ZDHHC18: variants seen among roughly 807,000 people sequenced by gnomAD.
The protein encoded by ZDHHC18 is palmitoyltransferase ZDHHC18.
In ZDHHC18, 23 loss-of-function variants were observed where a neutral mutation model predicts 37.5. The ratio of observed to expected loss-of-function variants is 0.61; its 90% CI spans 0.44 to 0.87. The LOEUF is 0.87. ZDHHC18 is among the 40% of genes least tolerant of loss of function. The pLI is 0.00. For missense variants in ZDHHC18, 406 were observed against 525.6 expected (o/e 0.77, Z 2.22); for synonymous variants, 185 against 218.7 (o/e 0.85, Z 1.36).
Position 26,832,505 on chromosome 1 carries a change from T to C in ZDHHC18, c.394T>C (p.Phe132Leu), listed in dbSNP as rs758572417. 4 of 1,614,062 alleles carry C rather than the reference T, an allele frequency of 2.5e-6. No homozygotes were observed. Among genetic ancestry groups the C allele is most frequent in the Non-Finnish European group, 3.4e-6 (4 of 1,179,922 alleles). ...LAIPIIAAIL[F>L]FFVMSCLLQT... ...CATCCCCATCATCGCTGCCATCCTCTTCTTCTTCGTCATGAGCTGCCTGCT... is the reference window on the plus strand; with the variant it reads ...CATCCCCATCATCGCTGCCATCCTCCTCTTCTTCGTCATGAGCTGCCTGCT... Residue 132 changes from phenylalanine to leucine, a missense_variant, in exon 2 of 8, where the codon TTC becomes CTC. Coordinates refer to ENST00000374142, the MANE Select transcript of ZDHHC18 (RefSeq NM_032283.3).
At chr1:26,844,523 G>A (rs775861907) in intron 2 of ZDHHC18, among the ~76,000 whole-genome samples, 1 of 152,188 alleles carries the variant, frequency 6.6e-6, no homozygotes, top group Non-Finnish European at 1.5e-5. Context: ...ACATCCTTGT[G>A]CATGTCTTTC....
At chr1:26,843,946 G>A (rs556349053) in intron 2 of ZDHHC18, among the ~76,000 whole-genome samples, 10 of 152,190 alleles carry the variant, frequency 6.6e-5, no homozygotes, top group African/African-American at 1.9e-4. Context: ...CTCTCCAAGG[G>A]TTACACAATC....
chr1:26,831,163 AAG>A (rs1389400237), intron 1 of ZDHHC18, among the ~76,000 whole-genome samples: 1 of 152,242 alleles, frequency 6.6e-6, no homozygotes, highest in South Asian at 2.1e-4. Context: ...ACAGGAAAGA[AAG>A]AGCATTGAAG....
At chr1:26,853,682 A>G in intron 7 of ZDHHC18, 44 bp from the exon 8 acceptor site, 1 of 1,569,446 alleles carries the variant, frequency 6.4e-7, no homozygotes, top group Non-Finnish European at 8.8e-7. Flanking sequence ...CTAGAGCCTC[A>G]GTGTTGGGCA....
At chr1:26,852,077 C>T (rs535616267) in intron 6 of ZDHHC18, among the ~76,000 whole-genome samples, 107 of 152,328 alleles carry the variant, frequency 7.0e-4, no homozygotes, top group African/African-American at 2.1e-3. Context: ...CATGACAGGG[C>T]GTTGTGTGCC....
intron 2 of ZDHHC18, among the ~76,000 whole-genome samples, chr1:26,839,667 AGT>A (rs1476430763): frequency 6.6e-6 from 1 of 152,206 alleles, no homozygotes; most frequent in Non-Finnish European, 1.5e-5. Flanking sequence ...TCTGTGATTG[AGT>A]GAGACTAGGA....
In ZDHHC18 at chr1:26,853,792, G is replaced by A. The variant is rs1488685028; in HGVS notation, c.1116G>A (p.Glu372=). Reference sequence around the variant, plus strand: ...TGCCCTCACCCATCAGAAGCGATGAGCCAGCCTGCAGAGCCAAGCCTGATG... The same window carrying A: ...TGCCCTCACCCATCAGAAGCGATGAACCAGCCTGCAGAGCCAAGCCTGATG... ...TVLPSPIRSD[E]PACRAKPDAS... Residue 372 remains glutamate, a synonymous_variant, in exon 8 of 8, where the codon GAG becomes GAA. Coordinates refer to ENST00000374142, the MANE Select transcript of ZDHHC18 (RefSeq NM_032283.3). The A allele has an allele frequency of 3.7e-6, 6 of 1,613,968 alleles. No homozygotes were observed. The highest frequency in any genetic ancestry group is 1.1e-5 in the South Asian group (1 of 91,090).
At position 26,826,978 on chromosome 1, in the gene ZDHHC18, G is replaced by A. The variant is rs1195370593; in HGVS notation, c.174G>A (p.Gly58=). 5 of 1,222,572 alleles carry A rather than the reference G, an allele frequency of 4.1e-6. No individual in the cohort carries two copies. The East Asian group carries it at 9.5e-5, about 23-fold the overall frequency. 75.7% of individuals were successfully genotyped at this position (1,222,572 alleles called of 1,614,324 possible). The part of the protein sequence containing the change: ...WSSSGSGSGS[G]SGSLGRRPRR... ...GCAGCGGCAGCGGCAGCGGCAGCGG[G>A]AGCGGGAGCCTCGGCCGCCGCCCAC... Residue 58 remains glycine (G), a synonymous_variant, in exon 1 of 8, where the codon GGG becomes GGA. Transcript: ENST00000374142. This position sits in a 1 kb window ranked among gnomAD's most constrained non-coding sequence, Gnocchi z 5.2.
chr1:26,853,871 G>A lies in ZDHHC18; in HGVS notation c.*28G>A. The A allele has an allele frequency of 6.2e-7, 1 of 1,603,498 alleles. No individual in the cohort carries two copies. The highest frequency in any genetic ancestry group is 8.5e-7 in the Non-Finnish European group (1 of 1,172,894). ...ACGGCTCAGTACTTGCCACCTGCTG[G>A]CCTGTCTGACCCTCCGCACTCACCT... On this transcript the variant is annotated 3_prime_UTR_variant, in exon 8 of 8. Transcript: ENST00000374142.
At chr1:26,837,907 TTGCTTG>T (rs1268892468) in intron 2 of ZDHHC18, among the ~76,000 whole-genome samples, 1 of 152,154 alleles carries the variant, frequency 6.6e-6, no homozygotes, top group East Asian at 1.9e-4. Context: ...CTCAGTGCGT[TTGCTTG>T]TGCTTGTGCT....
At chr1:26,845,288 T>C (rs918997154) in intron 2 of ZDHHC18, among the ~76,000 whole-genome samples, 60 of 149,316 alleles carry the variant, frequency 4.0e-4, no homozygotes, top group African/African-American at 1.3e-3. Flanking sequence ...CTTGTAATTA[T>C]CCATTCCTGC....
At chr1:26,852,952 T>G in intron 7 of ZDHHC18, 87 bp downstream of exon 7, 2 of 1,215,814 alleles carry the variant, frequency 1.6e-6, no homozygotes, top group Non-Finnish European at 2.4e-6. Flanking sequence ...GACCTCCCCC[T>G]ACACCCTAGA....
intron 2 of ZDHHC18, among the ~76,000 whole-genome samples, chr1:26,833,647 C>T (rs1570666615): frequency 6.6e-6 from 1 of 152,150 alleles, no homozygotes; most frequent in East Asian, 1.9e-4. Context: ...GGGTACTGGG[C>T]CAGGTCCCTA....
At chr1:26,836,418 TG>T (rs2081611664) in intron 2 of ZDHHC18, among the ~76,000 whole-genome samples, 1 of 152,024 alleles carries the variant, frequency 6.6e-6, no homozygotes. Context: ...ATCCCAAATT[TG>T]TTCTCCCCAC....
intron 2 of ZDHHC18, among the ~76,000 whole-genome samples, chr1:26,839,000 T>C (rs985410767): frequency 6.6e-6 from 1 of 152,104 alleles, no homozygotes; most frequent in Non-Finnish European, 1.5e-5. Context: ...GTGACAACAG[T>C]GGAAGGGCAG....
At position 26,850,907 on chromosome 1, in the gene ZDHHC18, C is replaced by T. The variant is rs188637787; in HGVS notation, c.834-222C>T. 6.6e-6 allele frequency among the ~76,000 whole-genome samples: 1 copy of T among 152,322 alleles called. No homozygotes were observed. The highest frequency in any genetic ancestry group is 1.9e-4 in the East Asian group (1 of 5,190). On this transcript the variant is annotated intron_variant, in intron 5 of 7. Coordinates refer to ENST00000374142, the MANE Select transcript of ZDHHC18 (RefSeq NM_032283.3). The surrounding 1 kb of genome is among the most constrained non-coding windows in gnomAD (Gnocchi z 6.1). ...TGATTGGAACCCTCAGTTTTCTCTG[C>T]CGTCCATCACCCTGACCTTGTCTGG... is the stretch of plus-strand genomic sequence containing the variant.
chr1:26,847,062 A>AT (rs2081672502), intron 2 of ZDHHC18, among the ~76,000 whole-genome samples: 1 of 151,126 alleles, frequency 6.6e-6, no homozygotes, highest in South Asian at 2.1e-4. Flanking sequence ...CAACCGGTTA[A>AT]TTTTTTGTAT....
chr1:26,850,561 C>T lies in ZDHHC18; in HGVS notation c.788C>T (p.Ala263Val), dbSNP rs1293000185. ...ACVVTHLTLR[A>V]QGSNFLSTLK... ...TCTCCTGTTTCTTTCTCCCCAGGCG[C>T]TCAGGGAAGCAACTTCCTCTCCACT... is the stretch of plus-strand genomic sequence containing the variant. The change falls in exon 5 of 8, where the codon GCT becomes GTT. Residue 263 changes from alanine (A) to valine (V), a missense_variant. Coordinates refer to ENST00000374142, the MANE Select transcript of ZDHHC18 (RefSeq NM_032283.3). The surrounding 1 kb of genome is among the most constrained non-coding windows in gnomAD (Gnocchi z 6.1). 6.2e-7 allele frequency: 1 copy of T among 1,614,184 alleles called. No homozygotes were observed. Among genetic ancestry groups the T allele is most frequent in the Non-Finnish European group, 8.5e-7 (1 of 1,180,026 alleles).
At position 26,854,554 on chromosome 1, in the gene ZDHHC18, A is replaced by G. The variant is rs1287874001; in HGVS notation, c.*711A>G. 6.6e-6 allele frequency: 1 copy of G among 152,396 alleles called. No individual in the cohort carries two copies. Among genetic ancestry groups the G allele is most frequent in the Non-Finnish European group, 1.5e-5 (1 of 68,000 alleles). 9.4% of individuals were successfully genotyped at this position (152,396 alleles called of 1,614,324 possible). On this transcript the variant is annotated 3_prime_UTR_variant, in exon 8 of 8. Coordinates refer to ENST00000374142, the MANE Select transcript of ZDHHC18 (RefSeq NM_032283.3). The surrounding 1 kb of genome is among the most constrained non-coding windows in gnomAD (Gnocchi z 4.6). The stretch of plus-strand genomic sequence containing the variant: ...TGGGAGCCTGGTCCTTCCCCTGCCC[A>G]TGGAGAGCTCTTTAAGGGATCCCAG...
Sources: gnomAD v4.1 joint callset for allele counts (sites outside exome capture counted in the v4.1 genomes callset) on GRCh38, gnomAD v4.1.1 for gene constraint, Gnocchi (gnomAD v3.1) non-coding constraint, MANE v1.5 for transcripts, NCBI Gene and HGNC (gene_info 2026-07-23, HGNC 2026-07-21) for gene names.